PEMT: variants seen among roughly 807,000 people sequenced by gnomAD.
PEMT encodes phosphatidylethanolamine N-methyltransferase.
A neutral mutation model predicts 27.4 loss-of-function variants in PEMT; 23 were observed. The observed-to-expected ratio is 0.84, with a 90% CI of 0.60 to 1.19. The LOEUF (loss-of-function observed/expected upper bound fraction) is 1.19, where lower values mean the gene tolerates loss of function less well. Ranked by LOEUF, PEMT falls within the 50% of genes most tolerant of loss-of-function variation. The probability of loss-of-function intolerance (pLI) is 0.00; values close to 1 mark genes in which losing one functional copy is unlikely to be tolerated. For synonymous variants in PEMT, 137 were observed against 139.1 expected (o/e 0.98, Z 0.11); for missense variants, 307 against 310.1 (o/e 0.99, Z 0.07).
chr17:17,564,961 C>G (rs1910729528), intron 2 of PEMT, among the ~76,000 whole-genome samples: 1 of 152,076 alleles, frequency 6.6e-6, no homozygotes, highest in South Asian at 2.1e-4. Flanking sequence ...CAAATGTCTT[C>G]CTAGGAGGGT....
chr17:17,559,180 G>C (rs1910287668), intron 2 of PEMT, among the ~76,000 whole-genome samples: 1 of 152,210 alleles, frequency 6.6e-6, no homozygotes, highest in Non-Finnish European at 1.5e-5. Flanking sequence ...GGCGAGGCTG[G>C]TCCCAGCCCC....
At chr17:17,551,535 C>T (rs769434766) in intron 2 of PEMT, among the ~76,000 whole-genome samples, 3 of 152,100 alleles carry the variant, frequency 2.0e-5, no homozygotes, top group African/African-American at 4.8e-5. Flanking sequence ...TGGGAGTGGT[C>T]GGGCCTGTCT....
At chr17:17,592,080 A>ACACACGCCCAGGGCCC (rs70953700), upstream of PEMT, 3,063 of 985,282 alleles carry the variant, frequency 3.1e-3, 75 homozygotes, top group African/African-American at 0.044. Context: ...GGCCCGGGTC[A>ACACACGCCCAGGGCCC]CACACGCCCA....
At chr17:17,528,088 G>C (rs1169257322) in intron 2 of PEMT, among the ~76,000 whole-genome samples, 1 of 152,236 alleles carries the variant, frequency 6.6e-6, no homozygotes, top group Non-Finnish European at 1.5e-5. Flanking sequence ...GTGTTTCCAC[G>C]AGCTTTGCCA....
At chr17:17,526,015 A>G (rs1907636184) in intron 2 of PEMT, among the ~76,000 whole-genome samples, 1 of 134,548 alleles carries the variant, frequency 7.4e-6, no homozygotes, top group Non-Finnish European at 1.6e-5. Flanking sequence ...AAACAAACAA[A>G]CAATGTTTTG....
intron 1 of PEMT, among the ~76,000 whole-genome samples, chr17:17,590,472 C>G (rs1310558562): frequency 1.3e-5 from 2 of 152,212 alleles, no homozygotes; most frequent in Non-Finnish European, 2.9e-5. Context: ...TTCCCATCAG[C>G]TACTCTTCAA....
intron 2 of PEMT, among the ~76,000 whole-genome samples, chr17:17,545,528 C>T (rs907392543): frequency 2.0e-5 from 3 of 152,252 alleles, no homozygotes; most frequent in Admixed American, 6.5e-5. Context: ...ACAGCCCATG[C>T]CACCAGGCTG....
intron 2 of PEMT, among the ~76,000 whole-genome samples, chr17:17,527,156 G>GA (rs1907728481): frequency 6.6e-6 from 1 of 152,194 alleles, no homozygotes; most frequent in African/African-American, 2.4e-5. Context: ...TCCTGCCTCA[G>GA]CCTCCCGAGT....
chr17:17,506,097 G>C (rs1246245323), intron 6 of PEMT, 130 bp downstream of exon 6: 1 of 994,728 alleles, frequency 1.0e-6, no homozygotes, highest in South Asian at 1.7e-5. Flanking sequence ...GCTCTGACCT[G>C]GGAGCCCTGG....
intron 2 of PEMT, among the ~76,000 whole-genome samples, chr17:17,530,975 G>A (rs1020858406): frequency 2.6e-5 from 4 of 151,694 alleles, no homozygotes; most frequent in Non-Finnish European, 4.4e-5. Context: ...CCCAGGAGGC[G>A]GAGGTTGCAG....
intron 1 of PEMT, among the ~76,000 whole-genome samples, chr17:17,588,390 T>G (rs1229325430): frequency 6.6e-6 from 1 of 152,182 alleles, no homozygotes; most frequent in Non-Finnish European, 1.5e-5. Context: ...AGGGTCTTAC[T>G]CGGGTGCCCA....
At chr17:17,509,411 G>C (rs1396407350) in intron 5 of PEMT, 23 bp downstream of exon 5, 1 of 1,496,662 alleles carries the variant, frequency 6.7e-7, no homozygotes, top group Non-Finnish European at 9.3e-7. Flanking sequence ...GCAGGGCAGA[G>C]GGGTGGCAAG....
At chr17:17,509,613 GC>G in intron 4 of PEMT, 68 bp from the exon 5 acceptor site, 1 of 1,119,352 alleles carries the variant, frequency 8.9e-7, no homozygotes, top group Non-Finnish European at 1.4e-6. Context: ...ACTGAGGGAG[GC>G]CCCAGAGCGG....
intron 2 of PEMT, among the ~76,000 whole-genome samples, chr17:17,543,007 C>T (rs1908995623): frequency 6.6e-6 from 1 of 152,224 alleles, no homozygotes; most frequent in Non-Finnish European, 1.5e-5. Flanking sequence ...ATGGCCTCCT[C>T]GCATCAGTTA....
intron 2 of PEMT, among the ~76,000 whole-genome samples, chr17:17,546,374 A>C (rs1195388497): frequency 6.6e-6 from 1 of 152,240 alleles, no homozygotes; most frequent in East Asian, 1.9e-4. Flanking sequence ...CCCACCAGGC[A>C]GAATCAAATG....
intron 2 of PEMT, among the ~76,000 whole-genome samples, chr17:17,542,712 A>G (rs1339111714): frequency 6.6e-6 from 1 of 152,230 alleles, no homozygotes; most frequent in Non-Finnish European, 1.5e-5. Context: ...GCACAAGTCC[A>G]TGAGATCCTC....
At chr17:17,528,460 T>A (rs1201018468) in intron 2 of PEMT, among the ~76,000 whole-genome samples, 1 of 152,236 alleles carries the variant, frequency 6.6e-6, no homozygotes, top group Admixed American at 6.5e-5. Flanking sequence ...CTGTGTGGAA[T>A]GATGGATACA....
At chr17:17,588,976 T>C (rs1912461971) in intron 1 of PEMT, among the ~76,000 whole-genome samples, 1 of 152,254 alleles carries the variant, frequency 6.6e-6, no homozygotes, top group Non-Finnish European at 1.5e-5. Flanking sequence ...TGTTTTTGTT[T>C]TGAGACAGAG....
intron 2 of PEMT, among the ~76,000 whole-genome samples, chr17:17,551,969 G>A (rs1322015348): frequency 6.6e-6 from 1 of 152,208 alleles, no homozygotes; most frequent in African/African-American, 2.4e-5. Context: ...TTGGGAGGCC[G>A]AGGCGGGCAG....
Sources: gnomAD v4.1 joint callset for allele counts (sites outside exome capture counted in the v4.1 genomes callset) on GRCh38, gnomAD v4.1.1 for gene constraint, MANE v1.5 for transcripts, NCBI Gene and HGNC (gene_info 2026-07-23, HGNC 2026-07-21) for gene names.